Variants in NEB observed in about 807,000 individuals in gnomAD.
The protein encoded by NEB is nemaline myopathy type 2.
A neutral mutation model predicts 952.2 loss-of-function variants in NEB; 512 were observed. The observed-to-expected ratio is 0.54, with a 90% confidence interval of 0.50 to 0.58. NEB has a LOEUF of 0.58. Ranked by LOEUF, NEB falls within the 20% of genes least tolerant of loss-of-function variation. NEB has a pLI of 0.00. For synonymous variants in NEB, 2,900 were observed against 3,149.8 expected, an observed-to-expected ratio of 0.92 and a Z score of 2.66; for missense variants, 8,428 against 9,231.1, an observed-to-expected ratio of 0.91 and a Z score of 3.56.
chr2:151,524,261 C>A (rs757768606), intron 153 of NEB, 50 bp downstream of exon 153: 1 of 1,482,186 alleles, frequency 6.7e-7, no homozygotes, highest in South Asian at 1.1e-5. Flanking sequence ...CCTGCAAGGT[C>A]TTTTATAATC....
intron 8 of NEB, among the ~76,000 whole-genome samples, 177 bp downstream of exon 8, chr2:151,724,083 C>A (rs1358181093): frequency 6.6e-6 from 1 of 152,172 alleles, no homozygotes; most frequent in Non-Finnish European, 1.5e-5. Context: ...TGCCTAGGAG[C>A]TTTCCTCTCA....
Position 151,530,988 on chromosome 2 carries a change from A to G in NEB, c.21630+6T>C. ...AGAGGGACTGCTAAACCATTCTAGT[A>G]CTTACATCACTGACTTCATCTTTAA... On this transcript the variant is annotated splice_donor_region_variant and intron_variant, in intron 145 of 181. Transcript: ENST00000397345. 6.3e-7 allele frequency: 1 copy of G among 1,593,968 alleles called. No individual in the cohort carries two copies. Among genetic ancestry groups the G allele is most frequent in the Non-Finnish European group, 8.6e-7 (1 of 1,162,738 alleles).
At position 151,562,292 on chromosome 2, in the gene NEB, TG is replaced by T. The variant is rs1014620310; in HGVS notation, c.18892-79del. 2.8e-5 allele frequency: 35 copies of T among 1,239,704 alleles called. No individual in the cohort carries two copies. The African/African-American group carries it at 4.3e-4, about 15-fold the overall frequency. The allele number at this position is 1,239,704 out of a possible 1,614,324, so 76.8% of individuals were successfully genotyped here. On this transcript the variant is annotated intron_variant, in intron 120 of 181. Transcript: ENST00000397345. ...GAGCATTTGATAATTTCCTATCAGC[TG>T]TTGGCTGTGCTTATTGCTTAGAAGA... is the stretch of plus-strand genomic sequence containing the variant.
At chr2:151,657,953 C>T in intron 48 of NEB, 30 bp downstream of exon 48, 8 of 1,500,018 alleles carry the variant, frequency 5.3e-6, no homozygotes, top group Non-Finnish European at 7.4e-6. Flanking sequence ...TAGAAACCCC[C>T]AGCCAGGTGA....
At chr2:151,673,167 C>G (rs1035033693) in intron 36 of NEB, among the ~76,000 whole-genome samples, 1 of 152,116 alleles carries the variant, frequency 6.6e-6, no homozygotes, top group Non-Finnish European at 1.5e-5. Flanking sequence ...CAGTAAGGAC[C>G]TGCTGTGGGG....
chr2:151,692,407 ATC>A, intron 20 of NEB, 45 bp from the exon 21 acceptor site: 1 of 1,404,278 alleles, frequency 7.1e-7, no homozygotes, highest in Non-Finnish European at 9.9e-7. Context: ...AGAAATATAT[ATC>A]TCATAAAGTA....
Position 151,665,478 on chromosome 2 carries a change from G to A in NEB, c.5093C>T (p.Ser1698Phe), listed in dbSNP as rs1306988626. 6.2e-7 allele frequency: 1 copy of A among 1,612,840 alleles called. No homozygotes were observed. Among genetic ancestry groups the A allele is most frequent in the Non-Finnish European group, 8.5e-7 (1 of 1,179,506 alleles). Residue 1698 changes from serine to phenylalanine, a missense_variant, in exon 42 of 182, where the codon TCC becomes TTC. By Grantham distance (155) the Ser-to-Phe change is radical. Coordinates refer to ENST00000397345, the MANE Select transcript of NEB (RefSeq NM_001164508.2). The stretch of plus-strand genomic sequence containing the variant: ...TTTCTTTGCCTTCTCCACCTCCAGG[G>A]ACTCTATGGGCACCCAGCCGATCCC... ...MKGIGWVPIE[S>F]LEVEKAKKAG...
At chr2:151,559,452 A>G (rs910734061) in intron 124 of NEB, among the ~76,000 whole-genome samples, 1 of 152,324 alleles carries the variant, frequency 6.6e-6, no homozygotes, top group Non-Finnish European at 1.5e-5. Flanking sequence ...TATATACCCA[A>G]TGGATTATAA....
chr2:151,545,747 A>T, intron 135 of NEB, 141 bp downstream of exon 135: 1 of 591,578 alleles, frequency 1.7e-6, no homozygotes, highest in South Asian at 2.3e-5. Flanking sequence ...CATAGTAGCC[A>T]TTCCACAGTT....
intron 181 of NEB, among the ~76,000 whole-genome samples, chr2:151,488,578 C>T (rs189191274): frequency 2.0e-5 from 3 of 151,838 alleles, no homozygotes; most frequent in South Asian, 2.1e-4. Flanking sequence ...TCCATGAAGT[C>T]GAGACTGCAG....
intron 135 of NEB, among the ~76,000 whole-genome samples, chr2:151,545,436 G>C (rs1389441833): frequency 2.0e-5 from 3 of 152,040 alleles, no homozygotes; most frequent in Non-Finnish European, 2.9e-5. Context: ...TTAGCCAGGC[G>C]TGGTGGCACA....
chr2:151,555,112 A>AT (rs1467167038), intron 124 of NEB, 68 bp from the exon 125 acceptor site: 2 of 1,128,684 alleles, frequency 1.8e-6, no homozygotes, highest in African/African-American at 3.1e-5. Context: ...TTAAAACAGC[A>AT]TAAGACTTAA....
chr2:151,529,336 CAA>C, intron 145 of NEB, 22 bp from the exon 146 acceptor site: 1 of 1,494,664 alleles, frequency 6.7e-7, no homozygotes, highest in Non-Finnish European at 9.3e-7. Flanking sequence ...AACACAGTGA[CAA>C]GATTAATTTT....
chr2:151,692,629 T>C (rs1163235655), intron 20 of NEB, among the ~76,000 whole-genome samples: 1 of 152,172 alleles, frequency 6.6e-6, no homozygotes. Context: ...CTGTCTTTTT[T>C]TAAATAATTT....
At chr2:151,670,340 G>A (rs1233017031) in intron 38 of NEB, among the ~76,000 whole-genome samples, 2 of 152,006 alleles carry the variant, frequency 1.3e-5, no homozygotes, top group Non-Finnish European at 2.9e-5. Context: ...CTTTCTGGTG[G>A]AGGCATTTTA....
At chr2:151,714,512 C>T (rs1443184235) in intron 10 of NEB, among the ~76,000 whole-genome samples, 1 of 152,142 alleles carries the variant, frequency 6.6e-6, no homozygotes, top group Non-Finnish European at 1.5e-5. Context: ...CCCTGGGGAG[C>T]TGGAGCTTCA....
rs759081936 is a variant in NEB at position 151,516,544 on chromosome 2, T to C, written c.22820A>G (p.Tyr7607Cys). The change falls in exon 157 of 182, where the codon TAT becomes TGT. Residue 7607 changes from tyrosine to cysteine, a missense_variant. Transcript: ENST00000397345. ...LQSIVKYKEK[Y>C]EKERGKPMLD... ...CATGGGTTTTCCTCGTTCCTTTTCA[T>C]ACTTTTCTTTGTATTTCACCTGGTG... is the stretch of plus-strand genomic sequence containing the variant. 2 of 1,610,890 alleles carry C rather than the reference T, an allele frequency of 1.2e-6. No individual in the cohort carries two copies. Among genetic ancestry groups the C allele is most frequent in the Admixed American group, 1.7e-5 (1 of 59,892 alleles).
chr2:151,625,800 G>A (rs922351280), intron 70 of NEB, among the ~76,000 whole-genome samples, 162 bp from the exon 71 acceptor site: 1 of 152,016 alleles, frequency 6.6e-6, no homozygotes, highest in South Asian at 2.1e-4. Flanking sequence ...GACATTTATT[G>A]TAACAAAATA....
intron 34 of NEB, among the ~76,000 whole-genome samples, chr2:151,677,018 GACGCTGC>G (rs1409643621): frequency 6.6e-6 from 1 of 152,170 alleles, no homozygotes; most frequent in African/African-American, 2.4e-5. Context: ...CCAGAGCATA[GACGCTGC>G]TCATGGACAG....
Sources: allele counts gnomAD v4.1 joint callset (sites outside exome capture counted in the v4.1 genomes callset), GRCh38; gene constraint gnomAD v4.1.1; transcripts MANE v1.5; gene names NCBI Gene and HGNC (gene_info 2026-07-23, HGNC 2026-07-21).